Variants in FUT8 observed in about 807,000 individuals in gnomAD.
FUT8 encodes the protein alpha-(1,6)-fucosyltransferase.
A neutral mutation model predicts 71.3 loss-of-function variants in FUT8; 29 were observed. The observed-to-expected ratio is 0.41, with a 90% CI of 0.30 to 0.55. The LOEUF (loss-of-function observed/expected upper bound fraction) is 0.55. FUT8 is among the 20% of genes least tolerant of loss of function. The probability of loss-of-function intolerance (pLI) is 0.34; values close to 1 mark genes in which losing one functional copy is unlikely to be tolerated. For synonymous variants in FUT8, 254 were observed against 239.3 expected (o/e 1.06, Z -0.57); for missense variants, 544 against 702.1 (o/e 0.77, Z 2.55).
the FUT8 span, among the ~76,000 whole-genome samples, chr14:65,392,049 C>G: frequency 2.0e-5 from 3 of 152,144 alleles, no homozygotes; most frequent in African/African-American, 7.2e-5. Flanking sequence ...TCTCTGGCCT[C>G]AGCCTTCCAA....
the FUT8 span, among the ~76,000 whole-genome samples, chr14:65,381,826 T>A: frequency 5.3e-5 from 8 of 152,190 alleles, no homozygotes; most frequent in Admixed American, 3.9e-4. Flanking sequence ...AGTCAACTCA[T>A]ATGCTCTAAA....
At chr14:65,445,734 A>AT (rs896702242) in intron 1 of FUT8, among the ~76,000 whole-genome samples, 14 of 152,230 alleles carry the variant, frequency 9.2e-5, no homozygotes, top group African/African-American at 2.9e-4. Flanking sequence ...TCTCTATTAG[A>AT]TTTTTTTTAC....
At chr14:65,691,641 T>C (rs1893601256) in intron 7 of FUT8, among the ~76,000 whole-genome samples, 2 of 152,090 alleles carry the variant, frequency 1.3e-5, no homozygotes, top group Admixed American at 1.3e-4. Context: ...CTTGGGTGTT[T>C]CTCGCAGAGG....
chr14:65,554,445 A>ATT (rs1370608822), intron 2 of FUT8, among the ~76,000 whole-genome samples: 1 of 145,820 alleles, frequency 6.9e-6, no homozygotes, highest in Non-Finnish European at 1.5e-5. Flanking sequence ...ATATATATAT[A>ATT]TTTATATCTA....
chr14:65,584,779 C>G (rs1038325082), intron 3 of FUT8, among the ~76,000 whole-genome samples: 1 of 152,108 alleles, frequency 6.6e-6, no homozygotes, highest in Admixed American at 6.5e-5. Context: ...GCCTTAGGTT[C>G]TTCTTTGTCA....
chr14:65,508,303 A>T (rs1882068507), intron 2 of FUT8, among the ~76,000 whole-genome samples: 2 of 151,652 alleles, frequency 1.3e-5, no homozygotes, highest in African/African-American at 2.4e-5. Flanking sequence ...CAAACTCCTG[A>T]GCTCAATCTG....
chr14:65,593,542 A>G (rs1422504342), intron 3 of FUT8, among the ~76,000 whole-genome samples: 1 of 151,618 alleles, frequency 6.6e-6, no homozygotes, highest in East Asian at 1.9e-4. Context: ...TAAAATGATG[A>G]GCTTCTCTAA....
intron 3 of FUT8, among the ~76,000 whole-genome samples, chr14:65,577,310 T>A (rs1490036101): frequency 6.6e-6 from 1 of 152,130 alleles, no homozygotes; most frequent in African/African-American, 2.4e-5. Flanking sequence ...TCGGTTATGC[T>A]TAGAAAGGAA....
At chr14:65,741,985 C>A in intron 10 of FUT8, 108 bp from the exon 11 acceptor site, 2 of 826,630 alleles carry the variant, frequency 2.4e-6, no homozygotes, top group Non-Finnish European at 1.9e-6. Context: ...GAATCCACTA[C>A]TTTTCAACCT....
chr14:65,739,388 A>C (rs533030090), intron 10 of FUT8, among the ~76,000 whole-genome samples: 2 of 152,236 alleles, frequency 1.3e-5, no homozygotes, highest in South Asian at 4.1e-4. Flanking sequence ...TGGTTTAAGA[A>C]AACAGTTCTG....
At chr14:65,541,135 G>GA (rs1417756850) in intron 2 of FUT8, among the ~76,000 whole-genome samples, 8 of 152,092 alleles carry the variant, frequency 5.3e-5, no homozygotes, top group African/African-American at 1.9e-4. Flanking sequence ...TGGTAAATTT[G>GA]AAAAAAATGT....
At chr14:65,592,385 TG>T (rs1206278542) in intron 3 of FUT8, among the ~76,000 whole-genome samples, 2 of 152,082 alleles carry the variant, frequency 1.3e-5, no homozygotes, top group Non-Finnish European at 2.9e-5. Flanking sequence ...GAATTAATTG[TG>T]TTCTCTCAGA....
intron 1 of FUT8, among the ~76,000 whole-genome samples, chr14:65,415,501 G>A (rs1013985071): frequency 2.6e-5 from 4 of 152,098 alleles, no homozygotes; most frequent in Non-Finnish European, 4.4e-5. Flanking sequence ...TTCTTGTCCT[G>A]TTCATCAGAA....
intron 7 of FUT8, among the ~76,000 whole-genome samples, chr14:65,683,085 C>T (rs576083480): frequency 6.6e-6 from 1 of 151,274 alleles, no homozygotes; most frequent in Non-Finnish European, 1.5e-5. Flanking sequence ...ACCATCTCGG[C>T]TCACTGCAAC....
At chr14:65,487,030 A>G (rs2066418528) in intron 2 of FUT8, among the ~76,000 whole-genome samples, 1 of 152,206 alleles carries the variant, frequency 6.6e-6, no homozygotes, top group Non-Finnish European at 1.5e-5. Flanking sequence ...AGTTTAGATG[A>G]AAATCAGCCA....
chr14:65,503,235 T>G (rs2066675275), intron 2 of FUT8, among the ~76,000 whole-genome samples: 1 of 152,226 alleles, frequency 6.6e-6, no homozygotes, highest in Admixed American at 6.5e-5. Context: ...GGCGTGAGAC[T>G]GCTTGGTAAT....
At chr14:65,439,953 T>TGTGTAC (rs1555360984) in intron 1 of FUT8, among the ~76,000 whole-genome samples, 2,337 of 47,042 alleles carry the variant, frequency 0.05, 260 homozygotes, top group Non-Finnish European at 0.081. Flanking sequence ...TGTGTGTGTG[T>TGTGTAC]GTATATATAT....
chr14:65,657,817 T>C (rs367649077), intron 6 of FUT8, among the ~76,000 whole-genome samples: 6 of 151,894 alleles, frequency 4.0e-5, no homozygotes. Context: ...ACTAAAAGAG[T>C]ATAATTGGAT....
intron 1 of FUT8, among the ~76,000 whole-genome samples, chr14:65,445,975 G>T (rs1167031847): frequency 6.6e-6 from 1 of 152,172 alleles, no homozygotes; most frequent in Non-Finnish European, 1.5e-5. Flanking sequence ...CATGTGCAAA[G>T]AATTGGGATG....
Sources: allele counts gnomAD v4.1 joint callset (sites outside exome capture counted in the v4.1 genomes callset), GRCh38; gene constraint gnomAD v4.1.1; transcripts MANE v1.5; gene names NCBI Gene and HGNC (gene_info 2026-07-23, HGNC 2026-07-21).